The following ATP8A1 variants were observed in gnomAD, a reference collection of about 807,000 sequenced individuals.
ATP8A1 encodes the protein ATPase phospholipid transporting 8A1.
Under a neutral mutation model 177.7 loss-of-function variants are expected in ATP8A1, and 90 were observed. That is an observed-to-expected ratio of 0.51 (90% CI 0.43 to 0.60). The LOEUF is 0.60. ATP8A1 is among the 20% of genes least tolerant of loss of function. The pLI is 0.00. For missense variants in ATP8A1, 1,072 were observed against 1,392.8 expected, an observed-to-expected ratio of 0.77 and a Z score of 3.67; for synonymous variants, 493 against 485.9, an observed-to-expected ratio of 1.01 and a Z score of -0.19.
At chr4:42,493,293 T>C (rs2153190962) in intron 24 of ATP8A1, among the ~76,000 whole-genome samples, 1 of 152,280 alleles carries the variant, frequency 6.6e-6, no homozygotes, top group South Asian at 2.1e-4. Context: ...GGATGTACAG[T>C]ATGGTAAAGA....
At chr4:42,510,525 GT>G (rs11361444) in intron 22 of ATP8A1, among the ~76,000 whole-genome samples, 21,371 of 146,628 alleles carry the variant, frequency 0.15, 1,854 homozygotes, top group East Asian at 0.26. Flanking sequence ...AAGGCATAAG[GT>G]TTTTTTTTTT....
intron 20 of ATP8A1, among the ~76,000 whole-genome samples, chr4:42,531,373 A>G (rs76995257): frequency 6.6e-6 from 1 of 152,238 alleles, no homozygotes; most frequent in African/African-American, 2.4e-5. Flanking sequence ...AGGGCAGTCA[A>G]CAATACCAGT....
intron 2 of ATP8A1, 22 bp from the exon 3 acceptor site, chr4:42,625,735 T>C: frequency 6.7e-7 from 1 of 1,489,806 alleles, no homozygotes; most frequent in East Asian, 2.3e-5. Context: ...AAATGAAAAG[T>C]AGCATAAAAC....
chr4:42,552,032 C>G (rs755234922), intron 17 of ATP8A1, among the ~76,000 whole-genome samples: 2 of 152,096 alleles, frequency 1.3e-5, no homozygotes, highest in East Asian at 1.9e-4. Flanking sequence ...CCTTCAAATG[C>G]GTAAAACTTT....
intron 24 of ATP8A1, among the ~76,000 whole-genome samples, chr4:42,499,812 G>C (rs1452835431): frequency 1.3e-5 from 2 of 152,148 alleles, no homozygotes; most frequent in African/African-American, 2.4e-5. Flanking sequence ...TAGAAACTGG[G>C]AGCCAAAGAT....
At chr4:42,602,920 C>T (rs565351342) in intron 5 of ATP8A1, among the ~76,000 whole-genome samples, 100 of 152,188 alleles carry the variant, frequency 6.6e-4, no homozygotes, top group African/African-American at 2.3e-3. Context: ...CACCCAAGAT[C>T]AACTGACAGA....
chr4:42,499,061 T>G (rs930167717), intron 24 of ATP8A1, among the ~76,000 whole-genome samples: 2 of 152,204 alleles, frequency 1.3e-5, no homozygotes, highest in Non-Finnish European at 2.9e-5. Flanking sequence ...CACAGAAAGC[T>G]GCATTTTCCT....
intron 25 of ATP8A1, among the ~76,000 whole-genome samples, chr4:42,476,668 C>G (rs1321671446): frequency 6.6e-6 from 1 of 151,496 alleles, no homozygotes; most frequent in Non-Finnish European, 1.5e-5. Flanking sequence ...CCTTTATATC[C>G]CAAAAGTGCA....
intron 16 of ATP8A1, among the ~76,000 whole-genome samples, chr4:42,554,777 G>A (rs527308160): frequency 6.6e-6 from 1 of 152,118 alleles, no homozygotes; most frequent in Non-Finnish European, 1.5e-5. Flanking sequence ...GTTGATCCTG[G>A]GGGTGTGTCT....
At chr4:42,563,706 C>T (rs1183712764) in intron 15 of ATP8A1, among the ~76,000 whole-genome samples, 6 of 152,172 alleles carry the variant, frequency 3.9e-5, no homozygotes, top group Non-Finnish European at 7.3e-5. Context: ...GCCACTCCAG[C>T]CATAACTAAA....
At chr4:42,466,738 CTA>C in intron 25 of ATP8A1, among the ~76,000 whole-genome samples, 1 of 152,230 alleles carries the variant, frequency 6.6e-6, no homozygotes, top group South Asian at 2.1e-4. Flanking sequence ...CATTAGCAGG[CTA>C]TTTCACTGTT....
At chr4:42,647,587 A>G (rs1482436117) in intron 1 of ATP8A1, among the ~76,000 whole-genome samples, 2 of 151,034 alleles carry the variant, frequency 1.3e-5, no homozygotes, top group Non-Finnish European at 3.0e-5. Context: ...TGTATTATTT[A>G]ATATTAAATA....
intron 25 of ATP8A1, among the ~76,000 whole-genome samples, chr4:42,468,421 TATATTTTATACAC>T (rs1560358673): frequency 7.4e-4 from 91 of 123,456 alleles, no homozygotes; most frequent in Non-Finnish European, 1.2e-3. Context: ...ACATATTTTA[TATATTTTATACAC>T]ACACACACAC....
intron 33 of ATP8A1, among the ~76,000 whole-genome samples, chr4:42,443,303 T>A (rs538614480): frequency 3.0e-4 from 45 of 152,310 alleles, no homozygotes; most frequent in African/African-American, 1.1e-3. Context: ...CTTAACGAGA[T>A]TCAAGCTCCC....
At chr4:42,624,151 G>C (rs1737795564) in intron 4 of ATP8A1, among the ~76,000 whole-genome samples, 1 of 151,348 alleles carries the variant, frequency 6.6e-6, no homozygotes, top group South Asian at 2.1e-4. Context: ...AGAAATCCAA[G>C]GCATTTAATA....
chr4:42,632,311 C>T (rs1484969531), intron 1 of ATP8A1, among the ~76,000 whole-genome samples: 1 of 152,140 alleles, frequency 6.6e-6, no homozygotes, highest in Non-Finnish European at 1.5e-5. Flanking sequence ...AAAGACTTTT[C>T]CTTATTTATG....
rs1161457295 is a variant in ATP8A1, at chr4:42,455,330, T to A, written c.2784A>T (p.Lys928Asn). The A allele has an allele frequency of 6.2e-7, 1 of 1,613,780 alleles. No individual in the cohort carries two copies. Among genetic ancestry groups the A allele is most frequent in the Non-Finnish European group, 8.5e-7 (1 of 1,179,800 alleles). ...TGAAGTCCAGGGCATTCTGAGATGT[T>A]TTGTATAATTCAGGGTACTTCAACA... Reference protein sequence around the residue: ...ENMLKYPELYKTSQNALDFNT... With the variant: ...ENMLKYPELYNTSQNALDFNT... Residue 928 changes from lysine (K) to asparagine (N), a missense_variant, in exon 29 of 37, where the codon AAA becomes AAT. Lys to Asn is a moderately conservative substitution (Grantham distance 94). Coordinates refer to ENST00000381668, the MANE Select transcript of ATP8A1 (RefSeq NM_006095.2).
rs747020538 is a variant in ATP8A1 at position 42,414,627 on chromosome 4, G to A, written c.3397C>T (p.His1133Tyr). 5.6e-6 allele frequency: 9 copies of A among 1,612,324 alleles called. No individual in the cohort carries two copies. The highest frequency in any genetic ancestry group is 1.1e-5 in the South Asian group (1 of 91,062). Residue 1133 changes from histidine (H) to tyrosine (Y), a missense_variant and splice_region_variant, in exon 36 of 37, where the codon CAT becomes TAT. This residue lies in a region of ATP8A1 where 316 missense variants were observed against 459.1 expected (regional missense o/e 0.69). Coordinates refer to ENST00000381668, the MANE Select transcript of ATP8A1 (RefSeq NM_006095.2). ...AAAAATAAGAAACTCAAATACTCAC[G>A]GAGCAGATTTTGTTGCAAGGATTCA... ...RSESLQQNLL[H>Y]GYAFSQDENG...
chr4:42,509,363 T>A (rs1258714793), intron 22 of ATP8A1, among the ~76,000 whole-genome samples: 1 of 152,206 alleles, frequency 6.6e-6, no homozygotes, highest in Non-Finnish European at 1.5e-5. Context: ...ATAGTAGAGC[T>A]GTTGAGGAAG....
Sources: gnomAD v4.1 joint callset for allele counts (sites outside exome capture counted in the v4.1 genomes callset) on GRCh38, gnomAD v4.1.1 for gene constraint, gnomAD v4.1.1 regional missense constraint, MANE v1.5 for transcripts, NCBI Gene and HGNC (gene_info 2026-07-23, HGNC 2026-07-21) for gene names.